Variants in GABRB1 observed in about 807,000 individuals in gnomAD.
The protein encoded by GABRB1 is gamma-aminobutyric acid receptor subunit beta-1.
A neutral mutation model predicts 51.6 loss-of-function variants in GABRB1; 17 were observed. That is an observed-to-expected ratio of 0.33 (90% CI 0.23 to 0.49). GABRB1 has a LOEUF of 0.49. Ranked by LOEUF, GABRB1 falls within the 20% of genes least tolerant of loss-of-function variation. GABRB1 has a pLI of 0.99. For missense variants in GABRB1, 410 were observed against 600.6 expected, an observed-to-expected ratio of 0.68 and a Z score of 3.32; for synonymous variants, 247 against 218.9, an observed-to-expected ratio of 1.13 and a Z score of -1.14.
At chr4:47,197,647 C>T (rs1401222719) in intron 4 of GABRB1, among the ~76,000 whole-genome samples, 1 of 152,204 alleles carries the variant, frequency 6.6e-6, no homozygotes, top group African/African-American at 2.4e-5. Context: ...GATTCTCCCA[C>T]TGGAACATAG....
At chr4:47,248,421 T>G (rs1721849485) in intron 4 of GABRB1, among the ~76,000 whole-genome samples, 1 of 152,102 alleles carries the variant, frequency 6.6e-6, no homozygotes, top group African/African-American at 2.4e-5. Context: ...TTCAGTTAGA[T>G]AGTATTTTGT....
chr4:47,243,953 T>C (rs1284794677), intron 4 of GABRB1, among the ~76,000 whole-genome samples: 3 of 152,202 alleles, frequency 2.0e-5, no homozygotes, highest in African/African-American at 7.2e-5. Flanking sequence ...GGCATCCCTG[T>C]CTTGTGCCAG....
chr4:47,061,026 C>T (rs910320291), intron 3 of GABRB1, among the ~76,000 whole-genome samples: 4 of 152,068 alleles, frequency 2.6e-5, no homozygotes, highest in Non-Finnish European at 4.4e-5. Context: ...TTATGAAACA[C>T]AAAGTTACTA....
chr4:47,331,143 C>T lies in GABRB1; in HGVS notation c.544+10934C>T, dbSNP rs570990213. 2.5e-4 allele frequency among the ~76,000 whole-genome samples: 38 copies of T among 151,712 alleles called. No homozygotes were observed. The South Asian group carries it at 6.0e-3, about 24-fold the overall frequency. On this transcript the variant is annotated intron_variant, in intron 5 of 8. Coordinates refer to ENST00000295454, the MANE Select transcript of GABRB1 (RefSeq NM_000812.4). ...TGATTTTGCCATATTCAGTAGACTA[C>T]TTAATGAAAATGAATATTTCACATT...
At chr4:47,136,972 A>G (rs1193326952) in intron 3 of GABRB1, among the ~76,000 whole-genome samples, 1 of 152,168 alleles carries the variant, frequency 6.6e-6, no homozygotes, top group Non-Finnish European at 1.5e-5. Flanking sequence ...CCTGCAAAGA[A>G]GTAACATAAA....
At chr4:47,341,435 CAT>C (rs1560341606) in intron 5 of GABRB1, among the ~76,000 whole-genome samples, 1 of 152,180 alleles carries the variant, frequency 6.6e-6, no homozygotes, top group Non-Finnish European at 1.5e-5. Context: ...GTCTGACCCT[CAT>C]AAACATCTAG....
chr4:47,103,779 T>C (rs1380344583), intron 3 of GABRB1, among the ~76,000 whole-genome samples: 1 of 151,888 alleles, frequency 6.6e-6, no homozygotes, highest in Admixed American at 6.6e-5. Flanking sequence ...AACCATAGCA[T>C]ATAACACGTT....
intron 3 of GABRB1, among the ~76,000 whole-genome samples, chr4:47,126,835 T>G (rs1577932351): frequency 6.6e-6 from 1 of 152,004 alleles, no homozygotes; most frequent in Non-Finnish European, 1.5e-5. Context: ...GAGGACATAC[T>G]GGAAAATATT....
chr4:47,318,208 TAA>T (rs1182706437), intron 4 of GABRB1, among the ~76,000 whole-genome samples: 1 of 151,938 alleles, frequency 6.6e-6, no homozygotes, highest in Non-Finnish European at 1.5e-5. Flanking sequence ...CTGTGAGAAT[TAA>T]AAGAGATAAT....
intron 4 of GABRB1, among the ~76,000 whole-genome samples, chr4:47,244,125 G>A (rs1721648940): frequency 6.6e-6 from 1 of 152,154 alleles, no homozygotes; most frequent in Non-Finnish European, 1.5e-5. Context: ...GGCCTTTTCT[G>A]CATCTATTGA....
chr4:47,369,102 C>T (rs1239996352), intron 5 of GABRB1, among the ~76,000 whole-genome samples: 2 of 151,246 alleles, frequency 1.3e-5, no homozygotes, highest in East Asian at 1.9e-4. Flanking sequence ...AGAGAGACTC[C>T]GTCTCAATTT....
chr4:47,350,149 C>T (rs1726256431), intron 5 of GABRB1, among the ~76,000 whole-genome samples: 1 of 139,702 alleles, frequency 7.2e-6, no homozygotes, highest in Admixed American at 7.5e-5. Flanking sequence ...TTCTTATTTT[C>T]TGATTATTTA....
intron 4 of GABRB1, among the ~76,000 whole-genome samples, chr4:47,292,160 G>A (rs1380536089): frequency 6.6e-6 from 1 of 152,148 alleles, no homozygotes; most frequent in Non-Finnish European, 1.5e-5. Flanking sequence ...TAGTGAGTAA[G>A]CCTTATGAGA....
At chr4:47,408,196 A>G (rs1368750299) in intron 8 of GABRB1, among the ~76,000 whole-genome samples, 2 of 152,198 alleles carry the variant, frequency 1.3e-5, no homozygotes. Context: ...CTGTGGAATG[A>G]CCATTTGATC....
chr4:47,064,531 G>A lies in GABRB1; in HGVS notation c.240+32047G>A, dbSNP rs763563303. 4.0e-5 allele frequency among the ~76,000 whole-genome samples: 6 copies of A among 151,678 alleles called. No individual in the cohort carries two copies. The East Asian group carries it at 9.7e-4, about 25-fold the overall frequency. ...CACATGCCTGTAATCCCAGCTACTC[G>A]GGAGGCTGAGGCTGCAGAATCGCTT... On this transcript the variant is annotated intron_variant, in intron 3 of 8. Coordinates refer to ENST00000295454, the MANE Select transcript of GABRB1 (RefSeq NM_000812.4).
chr4:47,009,281 A>G (rs576710830), intron 1 of GABRB1, among the ~76,000 whole-genome samples: 1 of 151,434 alleles, frequency 6.6e-6, no homozygotes, highest in South Asian at 2.1e-4. Flanking sequence ...AAAAAGTTAA[A>G]TATATGTTTT....
chr4:47,003,079 TA>T (rs34059067), intron 1 of GABRB1, among the ~76,000 whole-genome samples: 84,191 of 151,796 alleles, frequency 0.55, 23,720 homozygotes, highest in Non-Finnish European at 0.61. Context: ...TGCTTTATAA[TA>T]AAAAAAAACT....
intron 3 of GABRB1, among the ~76,000 whole-genome samples, chr4:47,153,945 T>A (rs1002423637): frequency 2.0e-5 from 3 of 152,002 alleles, no homozygotes; most frequent in Non-Finnish European, 4.4e-5. Flanking sequence ...TAATAAAGAA[T>A]GCATGTATTT....
chr4:47,001,386 C>T (rs1278960704), intron 1 of GABRB1, among the ~76,000 whole-genome samples: 4 of 152,172 alleles, frequency 2.6e-5, no homozygotes, highest in Non-Finnish European at 5.9e-5. Flanking sequence ...TCGTGATTCT[C>T]CCGCCTTGGC....
Sources: allele counts gnomAD v4.1 joint callset (sites outside exome capture counted in the v4.1 genomes callset), GRCh38; gene constraint gnomAD v4.1.1; transcripts MANE v1.5; gene names NCBI Gene and HGNC (gene_info 2026-07-23, HGNC 2026-07-21).